GABRB2: variants seen among roughly 807,000 people sequenced by gnomAD.
GABRB2 encodes gamma-aminobutyric acid type A receptor subunit beta2.
GABRB2 carries 16 observed loss-of-function variants against 54.7 expected under a neutral mutation model. That is an observed-to-expected ratio of 0.29 (90% CI 0.20 to 0.44). The LOEUF is 0.44. Ranked by LOEUF, GABRB2 falls within the 20% of genes least tolerant of loss-of-function variation. The pLI, the probability that GABRB2 is intolerant of heterozygous loss-of-function variation, is 1.00. For synonymous variants in GABRB2, 244 were observed against 233.8 expected (o/e 1.04, Z -0.40); for missense variants, 355 against 644.0 (o/e 0.55, Z 4.86).
In GABRB2 at chr5:161,507,944, A is replaced by G. The variant is rs541657964; in HGVS notation, c.237+37283T>C. Among the ~76,000 whole-genome samples, 5 of 151,820 alleles carry G rather than the reference A, an allele frequency of 3.3e-5. No homozygotes were observed. In the South Asian group the frequency reaches 1.0e-3, roughly 32 times the overall value. On this transcript the variant is annotated intron_variant, in intron 3 of 9. Coordinates refer to ENST00000393959, the MANE Select transcript of GABRB2 (RefSeq NM_001371727.1). ...ACCATTTTGAAGAACAGTTTGGCAGAATCTTATAAAGTTAAACATACATCT... is the reference window on the plus strand; with the variant it reads ...ACCATTTTGAAGAACAGTTTGGCAGGATCTTATAAAGTTAAACATACATCT...
At chr5:161,535,761 T>A (rs1354847501) in intron 3 of GABRB2, among the ~76,000 whole-genome samples, 1 of 152,168 alleles carries the variant, frequency 6.6e-6, no homozygotes, top group Non-Finnish European at 1.5e-5. Flanking sequence ...GGTTTGGATG[T>A]TTGTCCTCCC....
At chr5:161,385,937 C>T (rs1755610634) in intron 5 of GABRB2, among the ~76,000 whole-genome samples, 1 of 139,366 alleles carries the variant, frequency 7.2e-6, no homozygotes, top group African/African-American at 2.7e-5. Flanking sequence ...GTAACTGTTA[C>T]CTATTGTCTG....
rs778204862 is a variant in GABRB2 at position 161,459,748 on chromosome 5, C to A, written c.334G>T (p.Ala112Ser). The change falls in exon 4 of 10, where the codon GCA becomes TCA. Residue 112 changes from alanine to serine, a missense_variant. Physicochemically the swap from Ala to Ser is moderately conservative, Grantham distance 99 (BLOSUM62 1). This residue lies in a region of GABRB2 where 42 missense variants were observed against 99.7 expected (regional missense o/e 0.42). Coordinates refer to ENST00000393959, the MANE Select transcript of GABRB2 (RefSeq NM_001371727.1). The part of the protein sequence containing the change: ...PLNLTLDNRV[A>S]DQLWVPDTYF... ...GTATCAGGCACCCAGAGCTGGTCTG[C>A]CACTCTGTTGTCCAGAGTCAAGTTT... 6.2e-7 allele frequency: 1 copy of A among 1,613,662 alleles called. No homozygotes were observed. The highest frequency in any genetic ancestry group is 8.5e-7 in the Non-Finnish European group (1 of 1,179,666).
intron 3 of GABRB2, among the ~76,000 whole-genome samples, chr5:161,490,048 G>GA (rs201822803): frequency 2.7e-4 from 40 of 150,828 alleles, no homozygotes; most frequent in Non-Finnish European, 4.7e-4. Context: ...AGACTTCAGA[G>GA]AAAAAAAAAT....
chr5:161,391,134 A>T (rs1290879074), intron 5 of GABRB2, among the ~76,000 whole-genome samples: 1 of 152,092 alleles, frequency 6.6e-6, no homozygotes, highest in Non-Finnish European at 1.5e-5. Context: ...AAACCTCCAT[A>T]TGTCACCCAA....
intron 9 of GABRB2, among the ~76,000 whole-genome samples, chr5:161,309,449 C>T (rs1430702019): frequency 1.3e-5 from 2 of 152,082 alleles, no homozygotes; most frequent in Non-Finnish European, 2.9e-5. Flanking sequence ...GACAGTGTGG[C>T]GATTTCCCAG....
chr5:161,510,787 T>C (rs1481109883), intron 3 of GABRB2, among the ~76,000 whole-genome samples: 1 of 151,858 alleles, frequency 6.6e-6, no homozygotes, highest in African/African-American at 2.4e-5. Flanking sequence ...ATGTCCAGCA[T>C]TTAGGGTTCA....
chr5:161,376,749 C>A (rs1288828211), intron 5 of GABRB2, among the ~76,000 whole-genome samples: 6 of 152,102 alleles, frequency 3.9e-5, no homozygotes, highest in Non-Finnish European at 8.8e-5. Flanking sequence ...CTGCCATATA[C>A]CCTAATTCCT....
chr5:161,432,991 G>A (rs1757211216), intron 4 of GABRB2, among the ~76,000 whole-genome samples: 2 of 152,132 alleles, frequency 1.3e-5, no homozygotes, highest in Non-Finnish European at 2.9e-5. Context: ...ATTACATTAT[G>A]TGCCAAGGGC....
intron 4 of GABRB2, among the ~76,000 whole-genome samples, chr5:161,418,055 T>C (rs1446690334): frequency 1.3e-5 from 2 of 152,228 alleles, no homozygotes; most frequent in African/African-American, 4.8e-5. Flanking sequence ...TCTTTCATTT[T>C]CTGGAATCTT....
intron 4 of GABRB2, among the ~76,000 whole-genome samples, chr5:161,457,255 T>C (rs1757983029): frequency 6.6e-6 from 1 of 152,158 alleles, no homozygotes; most frequent in Non-Finnish European, 1.5e-5. Context: ...TATTTTTTAA[T>C]AGCCCTTGAT....
intron 3 of GABRB2, among the ~76,000 whole-genome samples, chr5:161,481,723 T>C (rs1758768778): frequency 6.6e-6 from 1 of 152,044 alleles, no homozygotes; most frequent in Non-Finnish European, 1.5e-5. Flanking sequence ...GTAATACTCT[T>C]ATAAAAAGTT....
At chr5:161,490,242 A>G (rs1759059748) in intron 3 of GABRB2, among the ~76,000 whole-genome samples, 1 of 151,756 alleles carries the variant, frequency 6.6e-6, no homozygotes, top group African/African-American at 2.4e-5. Context: ...TTAAAAATAT[A>G]AACTGTATGT....
chr5:161,533,950 C>A (rs1581064815), intron 3 of GABRB2, among the ~76,000 whole-genome samples: 1 of 152,018 alleles, frequency 6.6e-6, no homozygotes, highest in South Asian at 2.1e-4. Context: ...CAAGTGAAAA[C>A]ACAATGTTAA....
At chr5:161,499,387 C>T (rs1307907110) in intron 3 of GABRB2, among the ~76,000 whole-genome samples, 2 of 152,004 alleles carry the variant, frequency 1.3e-5, no homozygotes, top group Non-Finnish European at 2.9e-5. Flanking sequence ...TTATTGGGGT[C>T]CATTTATTCA....
intron 5 of GABRB2, among the ~76,000 whole-genome samples, chr5:161,369,618 C>T (rs1755074550): frequency 6.6e-6 from 1 of 151,588 alleles, no homozygotes; most frequent in Admixed American, 6.6e-5. Flanking sequence ...AATGATCAAA[C>T]TTTATTGAGA....
chr5:161,363,538 AT>A (rs1028815958), intron 5 of GABRB2, among the ~76,000 whole-genome samples: 1 of 145,224 alleles, frequency 6.9e-6, no homozygotes, highest in African/African-American at 2.5e-5. Flanking sequence ...AAAAAAATTA[AT>A]TTTTTTAAAA....
At chr5:161,429,719 C>G (rs186566131) in intron 4 of GABRB2, among the ~76,000 whole-genome samples, 1 of 152,098 alleles carries the variant, frequency 6.6e-6, no homozygotes, top group Admixed American at 6.6e-5. Flanking sequence ...ATAATACACA[C>G]AGAATGCTAA....
intron 5 of GABRB2, among the ~76,000 whole-genome samples, chr5:161,357,739 T>G (rs1754679006): frequency 6.6e-6 from 1 of 151,926 alleles, no homozygotes; most frequent in Non-Finnish European, 1.5e-5. Flanking sequence ...ATTTTGAAGA[T>G]CCAGCTAATA....
Sources: allele counts gnomAD v4.1 joint callset (sites outside exome capture counted in the v4.1 genomes callset), GRCh38; gene constraint gnomAD v4.1.1; regional missense constraint gnomAD v4.1.1; transcripts MANE v1.5; gene names NCBI Gene and HGNC (gene_info 2026-07-23, HGNC 2026-07-21).